The following DPP10 variants were observed in gnomAD, a reference collection of about 807,000 sequenced individuals.
The protein encoded by DPP10 is inactive dipeptidyl peptidase 10.
DPP10 carries 33 observed loss-of-function variants against 120.9 expected under a neutral mutation model. That is an observed-to-expected ratio of 0.27 (90% CI 0.21 to 0.37). The LOEUF is 0.37. Ranked by LOEUF, DPP10 falls within the 10% of genes least tolerant of loss-of-function variation. DPP10 has a pLI of 1.00. For missense variants in DPP10, 816 were observed against 942.8 expected (o/e 0.87, Z 1.76); for synonymous variants, 337 against 326.1 (o/e 1.03, Z -0.36).
At chr2:115,767,118 C>A (rs1014036839) in intron 12 of DPP10, among the ~76,000 whole-genome samples, 3 of 152,154 alleles carry the variant, frequency 2.0e-5, no homozygotes, top group African/African-American at 7.2e-5. Context: ...TAAGGAAACA[C>A]CTTATTGATA....
chr2:115,002,806 A>G (rs6542236), intron 1 of DPP10, among the ~76,000 whole-genome samples: 2,531 of 152,232 alleles, frequency 0.017, 56 homozygotes, highest in African/African-American at 0.048. Flanking sequence ...CAATACGACA[A>G]TGAGATACCA....
intron 1 of DPP10, among the ~76,000 whole-genome samples, chr2:114,709,126 A>G (rs954606380): frequency 3.3e-5 from 5 of 152,110 alleles, no homozygotes; most frequent in Admixed American, 1.3e-4. Context: ...GCCAATTCCC[A>G]GGCTCCTATG....
intron 1 of DPP10, among the ~76,000 whole-genome samples, chr2:114,873,273 G>A (rs542814524): frequency 5.9e-5 from 9 of 152,214 alleles, no homozygotes; most frequent in African/African-American, 9.6e-5. Flanking sequence ...GGCTGGCACC[G>A]TAACTAGATG....
rs2078128431 is a variant in DPP10, at chr2:115,526,244, A to T, written c.441+272A>T. The T allele has an allele frequency of 5.4e-5, 18 of 331,750 alleles. No homozygotes were observed. In the South Asian group the frequency reaches 9.9e-4, roughly 18 times the overall value. The allele number at this position is 331,750 out of a possible 1,614,324, so 20.6% of individuals were successfully genotyped here. A position where few individuals can be genotyped will look rare whatever the true frequency, so the allele number is the denominator to read the frequency against. On this transcript the variant is annotated intron_variant, in intron 5 of 25. Coordinates refer to ENST00000410059, the MANE Select transcript of DPP10 (RefSeq NM_020868.6). ...GAGGAGAATGTGGCAGAGTTTAGCAAATCCAACAAATGCGGGCTTGTGAAA... is the reference window on the plus strand; with the variant it reads ...GAGGAGAATGTGGCAGAGTTTAGCATATCCAACAAATGCGGGCTTGTGAAA...
intron 5 of DPP10, among the ~76,000 whole-genome samples, chr2:115,628,520 A>G (rs1384332294): frequency 6.6e-6 from 1 of 152,112 alleles, no homozygotes; most frequent in Non-Finnish European, 1.5e-5. Flanking sequence ...TCTTTAGTTT[A>G]ATTAGATCCC....
At chr2:115,417,351 T>C (rs553589107) in intron 3 of DPP10, among the ~76,000 whole-genome samples, 170 of 152,256 alleles carry the variant, frequency 1.1e-3, no homozygotes, top group Middle Eastern at 3.4e-3. Context: ...CTAAAGGATA[T>C]TGTTACTGGA....
At chr2:114,925,827 A>G (rs1695579834) in intron 1 of DPP10, among the ~76,000 whole-genome samples, 1 of 152,176 alleles carries the variant, frequency 6.6e-6, no homozygotes. Context: ...ATGTGCCGCT[A>G]AAATCATCCA....
intron 19 of DPP10, among the ~76,000 whole-genome samples, chr2:115,796,909 T>A (rs2149943463): frequency 6.6e-6 from 1 of 152,222 alleles, no homozygotes; most frequent in Admixed American, 6.5e-5. Flanking sequence ...AGGTTTGGAC[T>A]CAAGTTTTAT....
At chr2:115,009,263 G>A (rs1355064149) in intron 1 of DPP10, among the ~76,000 whole-genome samples, 1 of 151,670 alleles carries the variant, frequency 6.6e-6, no homozygotes, top group Admixed American at 6.6e-5. Flanking sequence ...AAAACGATGA[G>A]TTCATGTCCT....
At chr2:114,745,186 T>C (rs970028399) in intron 1 of DPP10, among the ~76,000 whole-genome samples, 1 of 152,224 alleles carries the variant, frequency 6.6e-6, no homozygotes. Context: ...TTGTTATTCC[T>C]TTTGAAGTGT....
At chr2:115,194,608 T>A (rs543834592) in intron 1 of DPP10, among the ~76,000 whole-genome samples, 1 of 152,286 alleles carries the variant, frequency 6.6e-6, no homozygotes, top group East Asian at 1.9e-4. Context: ...GGATTTCTGG[T>A]AATGGCCAAA....
At chr2:115,762,763 G>A (rs1456236045) in intron 12 of DPP10, among the ~76,000 whole-genome samples, 153 bp downstream of exon 12, 1 of 152,074 alleles carries the variant, frequency 6.6e-6, no homozygotes, top group Non-Finnish European at 1.5e-5. Flanking sequence ...CTTATGACTT[G>A]GGCTTTCTAT....
At chr2:114,743,154 T>G (rs1282960498) in intron 1 of DPP10, among the ~76,000 whole-genome samples, 1 of 152,202 alleles carries the variant, frequency 6.6e-6, no homozygotes, top group African/African-American at 2.4e-5. Flanking sequence ...ACTGTGATTT[T>G]TGGAATTCAG....
intron 3 of DPP10, among the ~76,000 whole-genome samples, chr2:115,464,557 A>G (rs555892146): frequency 6.6e-6 from 1 of 152,270 alleles, no homozygotes; most frequent in South Asian, 2.1e-4. Flanking sequence ...ACATGTGTGA[A>G]TGCCCCAGCC....
At chr2:115,620,153 C>T (rs1485502292) in intron 5 of DPP10, among the ~76,000 whole-genome samples, 2 of 152,278 alleles carry the variant, frequency 1.3e-5, no homozygotes, top group Admixed American at 1.3e-4. Flanking sequence ...CCGAACAGAG[C>T]GCTGGGCCAG....
chr2:115,302,435 AC>A (rs1478235490), intron 1 of DPP10, among the ~76,000 whole-genome samples: 1 of 151,734 alleles, frequency 6.6e-6, no homozygotes, highest in Non-Finnish European at 1.5e-5. Flanking sequence ...ACATAGCAAG[AC>A]CCCATCTCTA....
chr2:115,297,761 A>G (rs767015749), intron 1 of DPP10, among the ~76,000 whole-genome samples: 7 of 152,086 alleles, frequency 4.6e-5, no homozygotes, highest in Non-Finnish European at 8.8e-5. Flanking sequence ...AGTTCTAGGC[A>G]GAATGTAGCA....
chr2:115,531,210 G>T lies in DPP10; in HGVS notation c.441+5238G>T, dbSNP rs375597304. On this transcript the variant is annotated intron_variant, in intron 5 of 25. Coordinates refer to ENST00000410059, the MANE Select transcript of DPP10 (RefSeq NM_020868.6). ...GTACATGCTCAGCATAGCAGCATCA[G>T]CATAGCCTGGGAAGTTATTAAAAAT... is the stretch of plus-strand genomic sequence containing the variant. Among the ~76,000 whole-genome samples, 11 of 150,564 alleles carry T rather than the reference G, an allele frequency of 7.3e-5. 1 individual carries two copies. The South Asian group carries it at 8.4e-4, about 11-fold the overall frequency.
intron 1 of DPP10, among the ~76,000 whole-genome samples, chr2:115,141,266 G>A (rs1196178457): frequency 1.3e-5 from 2 of 152,132 alleles, no homozygotes; most frequent in African/African-American, 2.4e-5. Context: ...GTTGTATCAG[G>A]AGCATTCTCA....
Sources: gnomAD v4.1 joint callset for allele counts (sites outside exome capture counted in the v4.1 genomes callset) on GRCh38, gnomAD v4.1.1 for gene constraint, MANE v1.5 for transcripts, NCBI Gene and HGNC (gene_info 2026-07-23, HGNC 2026-07-21) for gene names.